TMEM132D: variants seen among roughly 807,000 people sequenced by gnomAD.
TMEM132D encodes mature OL transmembrane protein.
In TMEM132D, 21 loss-of-function variants were observed where a neutral mutation model predicts 62.3. That is an observed-to-expected ratio of 0.34 (90% confidence interval 0.24 to 0.49). The LOEUF (loss-of-function observed/expected upper bound fraction) is 0.49, where lower values mean the gene tolerates loss of function less well. Ranked by LOEUF, TMEM132D falls within the 20% of genes least tolerant of loss-of-function variation. TMEM132D has a pLI of 0.99. For synonymous variants in TMEM132D, 621 were observed against 575.6 expected (o/e 1.08, Z -1.13); for missense variants, 1,346 against 1,402.8 (o/e 0.96, Z 0.65).
Position 129,458,877 on chromosome 12 carries a change from T to C in TMEM132D, c.1115+72182A>G, listed in dbSNP as rs114409817. Among the ~76,000 whole-genome samples the C allele has an allele frequency of 8.0e-3, 1,226 of 152,306 alleles. 24 individuals carry two copies. The highest frequency in any genetic ancestry group is 0.028 in the African/African-American group (1,155 of 41,576). On this transcript the variant is annotated intron_variant, in intron 3 of 8. Coordinates refer to ENST00000422113, the MANE Select transcript of TMEM132D (RefSeq NM_133448.3). ...CTCACGGGGTGGTATCCAAGACCCA[T>C]TGAACCTTGGATGTCAGAGCTGGAA... is the stretch of plus-strand genomic sequence containing the variant.
rs1030949899 is a variant in TMEM132D, at chr12:129,278,000, G to T, written c.1299+59634C>A. Among the ~76,000 whole-genome samples, 1 of 152,140 alleles carries T rather than the reference G, an allele frequency of 6.6e-6. No homozygotes were observed. Among genetic ancestry groups the T allele is most frequent in the Non-Finnish European group, 1.5e-5 (1 of 68,024 alleles). On this transcript the variant is annotated intron_variant, in intron 4 of 8. Coordinates refer to ENST00000422113, the MANE Select transcript of TMEM132D (RefSeq NM_133448.3). The surrounding 1 kb of genome is among the most constrained non-coding windows in gnomAD (Gnocchi z 4.2). ...CCAAGCTTGAATGAGAGATCGGGGA[G>T]CCCAGAACCAAGCCAGGAATCAGCA... is the stretch of plus-strand genomic sequence containing the variant.
intron 3 of TMEM132D, among the ~76,000 whole-genome samples, chr12:129,449,314 T>C (rs1288635760): frequency 1.3e-5 from 2 of 152,184 alleles, no homozygotes; most frequent in Admixed American, 1.3e-4. Flanking sequence ...TTAGGTGATG[T>C]TTAGAGCCAT....
chr12:129,491,641 T>C (rs1262078324), intron 3 of TMEM132D, among the ~76,000 whole-genome samples: 1 of 152,182 alleles, frequency 6.6e-6, no homozygotes, highest in Non-Finnish European at 1.5e-5. Flanking sequence ...GCCTGGGTTT[T>C]TAAATCTTTG....
At chr12:129,487,650 G>A (rs1238271734) in intron 3 of TMEM132D, among the ~76,000 whole-genome samples, 2 of 152,150 alleles carry the variant, frequency 1.3e-5, no homozygotes, top group African/African-American at 2.4e-5. Flanking sequence ...GGAGTCATGA[G>A]GGTTCTGCCC....
At chr12:129,467,156 A>C (rs1440354948) in intron 3 of TMEM132D, among the ~76,000 whole-genome samples, 1 of 152,204 alleles carries the variant, frequency 6.6e-6, no homozygotes, top group Non-Finnish European at 1.5e-5. Flanking sequence ...TGCTTGCAAG[A>C]AACAGACACT....
At chr12:129,727,833 G>GA (rs113336899) in intron 1 of TMEM132D, among the ~76,000 whole-genome samples, 20,512 of 150,604 alleles carry the variant, frequency 0.14, 1,503 homozygotes, top group South Asian at 0.25. Context: ...TTTGAATGAT[G>GA]AAAAAAAAAT....
chr12:129,665,787 G>A (rs919136523), intron 2 of TMEM132D, among the ~76,000 whole-genome samples: 3 of 152,146 alleles, frequency 2.0e-5, no homozygotes, highest in South Asian at 2.1e-4. Flanking sequence ...CATAGTAGAC[G>A]CTTAAATATA....
At chr12:129,159,132 G>C (rs1444627536) in intron 5 of TMEM132D, among the ~76,000 whole-genome samples, 2 of 152,198 alleles carry the variant, frequency 1.3e-5, no homozygotes, top group African/African-American at 4.8e-5. Context: ...ATGTAGCTGA[G>C]ACTTCAAGTA....
chr12:129,437,260 A>C (rs749164513), intron 3 of TMEM132D, among the ~76,000 whole-genome samples: 11 of 152,108 alleles, frequency 7.2e-5, no homozygotes, highest in Non-Finnish European at 1.5e-4. Context: ...TTGAAGCCAC[A>C]GGTTAGGAAT....
intron 2 of TMEM132D, among the ~76,000 whole-genome samples, chr12:129,552,683 C>T (rs1392534552): frequency 6.6e-6 from 1 of 152,096 alleles, no homozygotes; most frequent in Non-Finnish European, 1.5e-5. Context: ...ATCTATCCAC[C>T]TAGTATTTAT....
chr12:129,131,764 C>T (rs898520605), intron 5 of TMEM132D, among the ~76,000 whole-genome samples: 1 of 152,166 alleles, frequency 6.6e-6, no homozygotes, highest in African/African-American at 2.4e-5. Flanking sequence ...TACCATCACA[C>T]TCGACTTTTC....
At chr12:129,864,252 G>A (rs574406265) in intron 1 of TMEM132D, among the ~76,000 whole-genome samples, 4 of 152,262 alleles carry the variant, frequency 2.6e-5, no homozygotes, top group African/African-American at 7.2e-5. Context: ...GCCCCTGTCA[G>A]GCCTTGAGAT....
intron 3 of TMEM132D, among the ~76,000 whole-genome samples, chr12:129,433,143 C>A (rs141080464): frequency 6.6e-6 from 1 of 152,206 alleles, no homozygotes; most frequent in Non-Finnish European, 1.5e-5. Context: ...CCACAAGTTA[C>A]TTATTCATTC....
At chr12:129,453,441 C>T (rs1400726245) in intron 3 of TMEM132D, among the ~76,000 whole-genome samples, 1 of 152,160 alleles carries the variant, frequency 6.6e-6, no homozygotes, top group Admixed American at 6.5e-5. Flanking sequence ...TGGAGAGTTC[C>T]TTTTCTACTA....
chr12:129,329,589 A>C (rs1566035325), intron 4 of TMEM132D, among the ~76,000 whole-genome samples: 2 of 152,190 alleles, frequency 1.3e-5, no homozygotes, highest in East Asian at 1.9e-4. Context: ...TTAGTGGGTG[A>C]CTGTCACCAC....
chr12:129,089,148 G>A lies in TMEM132D; in HGVS notation c.1444-4446C>T, dbSNP rs1206616385. On this transcript the variant is annotated intron_variant, in intron 5 of 8. Transcript: ENST00000422113. The stretch of plus-strand genomic sequence containing the variant: ...CTATGACCGGGTGTCCTCTATGACC[G>A]GGTGTCCTCCCTGACCGGGTGTCCT... Among the ~76,000 whole-genome samples, 5 of 41,368 alleles carry A rather than the reference G, an allele frequency of 1.2e-4. 2 individuals carry two copies. The highest frequency in any genetic ancestry group is 8.3e-4 in the African/African-American group (4 of 4,812). The allele number at this position is 41,368 out of a possible 152,430, so 27.1% of individuals were successfully genotyped here. A position where few individuals can be genotyped will look rare whatever the true frequency, so the allele number is the denominator to read the frequency against.
chr12:129,459,592 CTG>C (rs1873591921), intron 3 of TMEM132D, among the ~76,000 whole-genome samples: 1 of 152,026 alleles, frequency 6.6e-6, no homozygotes, highest in South Asian at 2.1e-4. Context: ...GAGCAAGGCT[CTG>C]TGTTCAAGTT....
intron 5 of TMEM132D, among the ~76,000 whole-genome samples, chr12:129,091,694 T>C (rs1874922922): frequency 6.6e-6 from 1 of 152,220 alleles, no homozygotes; most frequent in South Asian, 2.1e-4. Context: ...CTGGAGATCT[T>C]ACCTAAACTC....
chr12:129,252,016 G>A (rs1267076185), intron 4 of TMEM132D, among the ~76,000 whole-genome samples: 1 of 152,166 alleles, frequency 6.6e-6, no homozygotes, highest in East Asian at 1.9e-4. Context: ...TATTGTGTTT[G>A]AGACATTGCA....
Sources: gnomAD v4.1 joint callset for allele counts (sites outside exome capture counted in the v4.1 genomes callset) on GRCh38, gnomAD v4.1.1 for gene constraint, Gnocchi (gnomAD v3.1) non-coding constraint, MANE v1.5 for transcripts, NCBI Gene and HGNC (gene_info 2026-07-23, HGNC 2026-07-21) for gene names.